NRG3: variants seen among roughly 807,000 people sequenced by gnomAD.
The protein encoded by NRG3 is pro-neuregulin-3, membrane-bound isoform.
Under a neutral mutation model 66.9 loss-of-function variants are expected in NRG3, and 31 were observed. That is an observed-to-expected ratio of 0.46 (90% CI 0.35 to 0.63). NRG3 has a LOEUF of 0.63. NRG3 is among the 20% of genes least tolerant of loss of function. The pLI, the probability that NRG3 is intolerant of heterozygous loss-of-function variation, is 0.00. For synonymous variants in NRG3, 393 were observed against 359.4 expected (o/e 1.09, Z -1.06); for missense variants, 910 against 878.9 (o/e 1.04, Z -0.45).
rs186716036 is a variant in NRG3, at chr10:81,904,492, T to G, written c.823+28329T>G. ...CTTCAATGCTAAGATCTCCTTAGAC[T>G]TTACCTTTTGATTCCAGATGGCGCT... On this transcript the variant is annotated intron_variant, in intron 1 of 8. Transcript: ENST00000372141. Among the ~76,000 whole-genome samples the G allele has an allele frequency of 1.5e-3, 225 of 152,174 alleles. 1 individual carries two copies. The highest frequency in any genetic ancestry group is 5.2e-3 in the African/African-American group (218 of 41,532).
intron 1 of NRG3, among the ~76,000 whole-genome samples, chr10:81,994,054 C>T (rs2060842239): frequency 6.6e-6 from 1 of 152,118 alleles, no homozygotes; most frequent in Non-Finnish European, 1.5e-5. Flanking sequence ...AATGTAATTG[C>T]TGGGTCAAAG....
chr10:82,643,175 A>C (rs894618513), intron 2 of NRG3, among the ~76,000 whole-genome samples: 1 of 152,136 alleles, frequency 6.6e-6, no homozygotes, highest in Non-Finnish European at 1.5e-5. Flanking sequence ...CTCATCTTGT[A>C]GCTCCCATAA....
At chr10:82,259,632 G>A (rs985664725) in intron 1 of NRG3, among the ~76,000 whole-genome samples, 5 of 152,122 alleles carry the variant, frequency 3.3e-5, no homozygotes, top group African/African-American at 7.2e-5. Context: ...TGACCACTCC[G>A]TAACAATGAA....
intron 2 of NRG3, among the ~76,000 whole-genome samples, chr10:82,628,418 G>A (rs1260124490): frequency 6.6e-6 from 1 of 152,074 alleles, no homozygotes; most frequent in East Asian, 1.9e-4. Context: ...AAACAGGATG[G>A]AAAAATAGGG....
chr10:82,359,827 A>G (rs1360345495), intron 2 of NRG3, among the ~76,000 whole-genome samples: 1 of 152,170 alleles, frequency 6.6e-6, no homozygotes, highest in Non-Finnish European at 1.5e-5. Context: ...ATAAAACTCT[A>G]TTCCCATGTT....
intron 4 of NRG3, among the ~76,000 whole-genome samples, chr10:82,922,636 T>C (rs1199506329): frequency 6.6e-6 from 1 of 152,174 alleles, no homozygotes; most frequent in African/African-American, 2.4e-5. Flanking sequence ...GTCTGGAGGA[T>C]GCCATCATAG....
At chr10:82,427,317 T>C (rs2089513120) in intron 2 of NRG3, among the ~76,000 whole-genome samples, 1 of 152,166 alleles carries the variant, frequency 6.6e-6, no homozygotes, top group Non-Finnish European at 1.5e-5. Flanking sequence ...TGTTGGTTTT[T>C]CATAAACGCT....
At chr10:81,979,187 C>CA (rs34468792) in intron 1 of NRG3, among the ~76,000 whole-genome samples, 4,097 of 80,814 alleles carry the variant, frequency 0.051, 102 homozygotes, top group African/African-American at 0.091. Flanking sequence ...GACTCCGTCT[C>CA]AAAAAAAAAA....
intron 1 of NRG3, among the ~76,000 whole-genome samples, chr10:82,098,593 C>A (rs536637639): frequency 1.7e-4 from 26 of 152,178 alleles, no homozygotes; most frequent in African/African-American, 6.0e-4. Flanking sequence ...CAAATAGAGC[C>A]CCTGCTCAAG....
intron 1 of NRG3, among the ~76,000 whole-genome samples, chr10:82,021,051 T>C (rs1564744627): frequency 6.6e-6 from 1 of 152,074 alleles, no homozygotes; most frequent in Non-Finnish European, 1.5e-5. Context: ...CCTAAGAATA[T>C]TGTGAGTCCT....
Position 82,214,005 on chromosome 10 carries a change from G to A in NRG3, c.824-144734G>A, listed in dbSNP as rs147767604. On this transcript the variant is annotated intron_variant, in intron 1 of 8. Coordinates refer to ENST00000372141, the MANE Select transcript of NRG3 (RefSeq NM_001010848.4). Reference sequence around the variant, plus strand: ...GCTAGATCTACTGAATTTCTCAGACGCTGCCACAGTTCCAAGCAGCTATGA... The same window carrying A: ...GCTAGATCTACTGAATTTCTCAGACACTGCCACAGTTCCAAGCAGCTATGA... 3.1e-4 allele frequency among the ~76,000 whole-genome samples: 47 copies of A among 152,220 alleles called. 2 individuals are homozygous for A. In the East Asian group the frequency reaches 7.4e-3, roughly 24 times the overall value.
intron 1 of NRG3, among the ~76,000 whole-genome samples, chr10:82,255,597 CA>C (rs1234760963): frequency 6.6e-6 from 1 of 151,412 alleles, no homozygotes; most frequent in East Asian, 1.9e-4. Context: ...TTTTAAAAAA[CA>C]AAAAACAAAC....
chr10:81,905,513 A>G (rs1437994641), intron 1 of NRG3, among the ~76,000 whole-genome samples: 1 of 152,136 alleles, frequency 6.6e-6, no homozygotes, highest in Non-Finnish European at 1.5e-5. Context: ...ATTTTCTTTT[A>G]TATCTTTTAG....
chr10:82,527,226 A>C (rs1433259080), intron 2 of NRG3, among the ~76,000 whole-genome samples: 1 of 152,136 alleles, frequency 6.6e-6, no homozygotes, highest in African/African-American at 2.4e-5. Context: ...ACAGATGTCA[A>C]CTTGAATGAA....
chr10:82,606,844 T>C (rs1003894193), intron 2 of NRG3, among the ~76,000 whole-genome samples: 1 of 152,196 alleles, frequency 6.6e-6, no homozygotes, highest in African/African-American at 2.4e-5. Flanking sequence ...CCAAGCAATC[T>C]GAAAACCCCC....
intron 2 of NRG3, among the ~76,000 whole-genome samples, chr10:82,519,435 G>A (rs111654500): frequency 0.022 from 3,339 of 152,252 alleles, 115 homozygotes; most frequent in African/African-American, 0.074. Flanking sequence ...CAATGTAGGC[G>A]TTATGGGGTG....
At chr10:82,915,945 A>G (rs1845787121) in intron 4 of NRG3, among the ~76,000 whole-genome samples, 1 of 152,236 alleles carries the variant, frequency 6.6e-6, no homozygotes, top group South Asian at 2.1e-4. Context: ...AAAATACTGT[A>G]ATATTACAGA....
chr10:81,913,079 T>C (rs1408091801), intron 1 of NRG3, among the ~76,000 whole-genome samples: 1 of 108,452 alleles, frequency 9.2e-6, no homozygotes, highest in Non-Finnish European at 1.6e-5. Flanking sequence ...GAAGGGACCA[T>C]TGGGGAAAAA....
At chr10:82,349,207 T>C (rs2083239657) in intron 1 of NRG3, among the ~76,000 whole-genome samples, 2 of 150,532 alleles carry the variant, frequency 1.3e-5, no homozygotes, top group South Asian at 4.2e-4. Context: ...TATCTACTTT[T>C]GGTCTTTGAT....
Sources: allele counts gnomAD v4.1 joint callset (sites outside exome capture counted in the v4.1 genomes callset), GRCh38; gene constraint gnomAD v4.1.1; transcripts MANE v1.5; gene names NCBI Gene and HGNC (gene_info 2026-07-23, HGNC 2026-07-21).